Variants in MCU observed in about 807,000 individuals in gnomAD.
The protein encoded by MCU is mitochondrial calcium uniporter, also known as calcium uniporter protein, mitochondrial.
A neutral mutation model predicts 45.2 loss-of-function variants in MCU; 12 were observed. That is an observed-to-expected ratio of 0.27 (90% CI 0.17 to 0.43). The LOEUF is 0.43. Ranked by LOEUF, MCU falls within the 20% of genes least tolerant of loss-of-function variation. The pLI, the probability that MCU is intolerant of heterozygous loss-of-function variation, is 1.00. For synonymous variants in MCU, 160 were observed against 165.1 expected (o/e 0.97, Z 0.24); for missense variants, 324 against 436.7 (o/e 0.74, Z 2.30).
intron 6 of MCU, among the ~76,000 whole-genome samples, chr10:72,873,158 A>G (rs1440081738): frequency 6.6e-6 from 1 of 151,386 alleles, no homozygotes; most frequent in Non-Finnish European, 1.5e-5. Flanking sequence ...AGCTGGGACT[A>G]CAGATGCCCG....
intron 1 of MCU, among the ~76,000 whole-genome samples, chr10:72,822,356 G>A (rs1460581113): frequency 1.3e-5 from 2 of 152,144 alleles, no homozygotes; most frequent in Non-Finnish European, 2.9e-5. Flanking sequence ...AACAAAAAAA[G>A]GCAATGCCAC....
chr10:72,722,240 C>A (rs143464748), intron 1 of MCU, among the ~76,000 whole-genome samples: 1 of 142,296 alleles, frequency 7.0e-6, no homozygotes, highest in Admixed American at 7.6e-5. Context: ...CACTTGAACC[C>A]GGGAGGCAGA....
chr10:72,811,139 G>T (rs1844537578), intron 1 of MCU, among the ~76,000 whole-genome samples: 1 of 152,152 alleles, frequency 6.6e-6, no homozygotes, highest in East Asian at 1.9e-4. Context: ...ATCTTTTACT[G>T]CCAATTTCTC....
At position 72,765,131 on chromosome 10, in the gene MCU, G is replaced by T. The variant is rs1456155274; in HGVS notation, c.151-69228G>T. Among the ~76,000 whole-genome samples, 4 of 150,186 alleles carry T rather than the reference G, an allele frequency of 2.7e-5. No individual in the cohort carries two copies. The East Asian group carries it at 7.8e-4, about 29-fold the overall frequency. On this transcript the variant is annotated intron_variant, in intron 1 of 7. Coordinates refer to ENST00000373053, the MANE Select transcript of MCU (RefSeq NM_138357.3). The stretch of plus-strand genomic sequence containing the variant: ...GAGAGAGTTAGGGCATGTAGAACAA[G>T]AGTTTTAATGAAAAGATTTTTGTGT...
At chr10:72,872,839 G>A (rs900793573) in intron 6 of MCU, among the ~76,000 whole-genome samples, 2 of 151,790 alleles carry the variant, frequency 1.3e-5, no homozygotes, top group Non-Finnish European at 2.9e-5. Flanking sequence ...TTTTGAGGAG[G>A]CTCCCTACTG....
intron 1 of MCU, among the ~76,000 whole-genome samples, chr10:72,802,290 T>G (rs1399067964): frequency 6.6e-6 from 1 of 152,126 alleles, no homozygotes; most frequent in Non-Finnish European, 1.5e-5. Flanking sequence ...GTCTTTTGAT[T>G]CAGTAAAGTA....
At chr10:72,854,421 TA>T (rs1436060247) in intron 2 of MCU, among the ~76,000 whole-genome samples, 3 of 152,148 alleles carry the variant, frequency 2.0e-5, no homozygotes, top group Admixed American at 6.5e-5. Context: ...AATCAAAAGG[TA>T]AACCACACAA....
chr10:72,809,461 T>C (rs1324797608), intron 1 of MCU, among the ~76,000 whole-genome samples: 1 of 152,156 alleles, frequency 6.6e-6, no homozygotes, highest in Non-Finnish European at 1.5e-5. Context: ...GAGTACAAAG[T>C]GAAGACTCTA....
At chr10:72,842,663 A>G (rs191635258) in intron 2 of MCU, among the ~76,000 whole-genome samples, 30 of 152,106 alleles carry the variant, frequency 2.0e-4, no homozygotes, top group Non-Finnish European at 2.5e-4. Flanking sequence ...TTTAATTTGT[A>G]TATTTTATTT....
intron 1 of MCU, among the ~76,000 whole-genome samples, chr10:72,710,903 C>T (rs1302018990): frequency 4.6e-5 from 7 of 152,044 alleles, no homozygotes; most frequent in Admixed American, 3.3e-4. Flanking sequence ...ACTGGCCGGG[C>T]GCAGTGGCTC....
intron 1 of MCU, among the ~76,000 whole-genome samples, chr10:72,809,102 A>G (rs922764266): frequency 2.0e-5 from 3 of 152,202 alleles, no homozygotes; most frequent in Non-Finnish European, 4.4e-5. Context: ...ATTCTGATGG[A>G]TATATTAGAA....
chr10:72,724,340 G>A (rs751640464), intron 1 of MCU, among the ~76,000 whole-genome samples: 9 of 152,194 alleles, frequency 5.9e-5, no homozygotes, highest in Non-Finnish European at 1.3e-4. Context: ...TCTCGTATAA[G>A]TGAAGTGAGA....
intron 1 of MCU, among the ~76,000 whole-genome samples, chr10:72,694,737 G>T (rs1842665501): frequency 6.6e-6 from 1 of 152,142 alleles, no homozygotes; most frequent in African/African-American, 2.4e-5. Context: ...TCCGCTGTAT[G>T]GTATGGTAAA....
intron 6 of MCU, among the ~76,000 whole-genome samples, chr10:72,875,868 C>T (rs1449487092): frequency 6.6e-6 from 1 of 152,180 alleles, no homozygotes; most frequent in Admixed American, 6.5e-5. Flanking sequence ...GTGGACCAGC[C>T]GTCCCACCAT....
At chr10:72,726,414 T>C (rs1843102993) in intron 1 of MCU, among the ~76,000 whole-genome samples, 1 of 152,218 alleles carries the variant, frequency 6.6e-6, no homozygotes, top group African/African-American at 2.4e-5. Flanking sequence ...AATGGCCGTA[T>C]AATATGCCAT....
At chr10:72,844,885 T>C (rs1406514846) in intron 2 of MCU, among the ~76,000 whole-genome samples, 1 of 152,066 alleles carries the variant, frequency 6.6e-6, no homozygotes, top group East Asian at 1.9e-4. Flanking sequence ...ACCATGTTAA[T>C]AGATATGAAG....
chr10:72,700,427 T>C (rs1842745839), intron 1 of MCU, among the ~76,000 whole-genome samples: 1 of 152,206 alleles, frequency 6.6e-6, no homozygotes, highest in Non-Finnish European at 1.5e-5. Flanking sequence ...AGATTAAGCT[T>C]GATAATAACT....
At chr10:72,857,245 C>T (rs1021039559) in intron 2 of MCU, among the ~76,000 whole-genome samples, 2 of 151,188 alleles carry the variant, frequency 1.3e-5, no homozygotes, top group African/African-American at 2.4e-5. Context: ...GATTAAACCC[C>T]CCCCTTTTTT....
Position 72,806,180 on chromosome 10 carries a change from G to A in MCU, c.151-28179G>A, listed in dbSNP as rs150866952. Among the ~76,000 whole-genome samples the A allele has an allele frequency of 5.5e-3, 763 of 139,660 alleles. 7 individuals are homozygous for A. The highest frequency in any genetic ancestry group is 0.019 in the African/African-American group (704 of 37,092). 91.6% of individuals were successfully genotyped at this position (139,660 alleles called of 152,430 possible). On this transcript the variant is annotated intron_variant, in intron 1 of 7. Coordinates refer to ENST00000373053, the MANE Select transcript of MCU (RefSeq NM_138357.3). ...TTTTTTTTTTTTTTTTTTTTGAGAC[G>A]GAGTCTCACTCTTGTTGCCCAGGCT...
Sources: allele counts gnomAD v4.1 joint callset (sites outside exome capture counted in the v4.1 genomes callset), GRCh38; gene constraint gnomAD v4.1.1; transcripts MANE v1.5; gene names NCBI Gene and HGNC (gene_info 2026-07-23, HGNC 2026-07-21).